ADAMTS17: variants seen among roughly 807,000 people sequenced by gnomAD.
ADAMTS17 encodes the protein ADAM metallopeptidase with thrombospondin type 1 motif 17, also known as A disintegrin and metalloproteinase with thrombospondin motifs 17.
ADAMTS17 carries 113 observed loss-of-function variants against 141.5 expected under a neutral mutation model. The ratio of observed to expected loss-of-function variants is 0.80; its 90% CI spans 0.69 to 0.93. The LOEUF (loss-of-function observed/expected upper bound fraction) is 0.93. ADAMTS17 is among the 40% of genes least tolerant of loss of function. The pLI is 0.00. For synonymous variants in ADAMTS17, 768 were observed against 630.6 expected, an observed-to-expected ratio of 1.22 and a Z score of -3.27; for missense variants, 1,659 against 1,517.9, an observed-to-expected ratio of 1.09 and a Z score of -1.54.
At chr15:100,049,092 G>C (rs1596301035) in intron 17 of ADAMTS17, 100 bp from the exon 18 acceptor site, 3 of 1,563,778 alleles carry the variant, frequency 1.9e-6, no homozygotes, top group East Asian at 4.5e-5. Flanking sequence ...GCTGCTGATG[G>C]TCACTTGGTC....
intron 20 of ADAMTS17, among the ~76,000 whole-genome samples, chr15:99,977,349 CATATATAT>C (rs71151927): frequency 0.019 from 586 of 30,236 alleles, 10 homozygotes; most frequent in Non-Finnish European, 0.025. Context: ...CCCTCCTCTT[CATATATAT>C]ATATATATAT....
chr15:100,233,586 A>ACACAGT (rs2042559091), intron 7 of ADAMTS17, among the ~76,000 whole-genome samples: 1 of 152,144 alleles, frequency 6.6e-6, no homozygotes, highest in Non-Finnish European at 1.5e-5. Flanking sequence ...GTCGATGGGA[A>ACACAGT]CACAGTGGGG....
At chr15:100,100,764 G>A (rs962119631) in intron 14 of ADAMTS17, among the ~76,000 whole-genome samples, 2 of 151,846 alleles carry the variant, frequency 1.3e-5, no homozygotes, top group Non-Finnish European at 2.9e-5. Context: ...CACACAAAAA[G>A]AGAGATAAGA....
At chr15:100,201,844 G>C (rs1445529802) in intron 7 of ADAMTS17, among the ~76,000 whole-genome samples, 2 of 152,264 alleles carry the variant, frequency 1.3e-5, no homozygotes, top group East Asian at 1.9e-4. Context: ...GTTTAAAAAT[G>C]TTTTGTGGGT....
intron 18 of ADAMTS17, among the ~76,000 whole-genome samples, chr15:100,036,379 G>A (rs1352488453): frequency 1.3e-5 from 2 of 152,188 alleles, no homozygotes; most frequent in Admixed American, 6.5e-5. Flanking sequence ...CATGATAAAG[G>A]CAGCCACTAA....
intron 8 of ADAMTS17, among the ~76,000 whole-genome samples, chr15:100,192,677 C>T (rs1381601993): frequency 4.6e-5 from 7 of 152,328 alleles, no homozygotes; most frequent in East Asian, 1.9e-4. Context: ...GGGTCCATTC[C>T]GTGTCCCCAC....
intron 18 of ADAMTS17, among the ~76,000 whole-genome samples, chr15:100,010,548 G>C (rs2061144073): frequency 6.6e-6 from 1 of 152,222 alleles, no homozygotes; most frequent in African/African-American, 2.4e-5. Flanking sequence ...GAGCTGGCCA[G>C]CCAAGAGGCC....
intron 18 of ADAMTS17, among the ~76,000 whole-genome samples, chr15:100,009,487 G>T (rs920256699): frequency 6.6e-6 from 1 of 152,174 alleles, no homozygotes; most frequent in African/African-American, 2.4e-5. Flanking sequence ...TGACTCCCCA[G>T]CTGTGCCACC....
At chr15:100,155,046 C>T in intron 9 of ADAMTS17, 134 bp downstream of exon 9, 1 of 1,340,682 alleles carries the variant, frequency 7.5e-7, no homozygotes. Context: ...TCTGCGCTGA[C>T]CGCCTCCTGA....
chr15:100,069,013 G>A (rs1031208841), intron 15 of ADAMTS17, among the ~76,000 whole-genome samples: 20 of 152,268 alleles, frequency 1.3e-4, no homozygotes, highest in African/African-American at 4.8e-4. Context: ...TACATGAATG[G>A]CTAACTAGAA....
rs1275541759 is a variant in ADAMTS17, at chr15:100,155,243, C to A, written c.1259G>T (p.Gly420Val). ...SHIMSGEWVKGRNPSDLSWSS... is the reference protein window; with the variant it reads ...SHIMSGEWVKVRNPSDLSWSS... Reference sequence around the variant, plus strand: ...CCAAGAGAGGTCACTTGGGTTCCGGCCTTTCACCCACTCTCCTGACATGAT... The same window carrying A: ...CCAAGAGAGGTCACTTGGGTTCCGGACTTTCACCCACTCTCCTGACATGAT... The change falls in exon 9 of 22, where the codon GGC (glycine) becomes GTC (valine). Residue 420 changes from glycine (G) to valine (V), a missense_variant. Coordinates refer to ENST00000268070, the MANE Select transcript of ADAMTS17 (RefSeq NM_139057.4). The A allele has an allele frequency of 1.2e-6, 2 of 1,614,208 alleles. No individual in the cohort carries two copies. The highest frequency in any genetic ancestry group is 1.7e-5 in the Admixed American group (1 of 60,026).
chr15:100,199,129 A>G (rs1284322260), intron 8 of ADAMTS17, among the ~76,000 whole-genome samples, 189 bp downstream of exon 8: 1 of 152,088 alleles, frequency 6.6e-6, no homozygotes, highest in Non-Finnish European at 1.5e-5. Flanking sequence ...CAACTCTCCA[A>G]GCCAATCGGT....
At chr15:100,307,191 A>G (rs1041787038) in intron 3 of ADAMTS17, among the ~76,000 whole-genome samples, 5 of 152,170 alleles carry the variant, frequency 3.3e-5, no homozygotes, top group African/African-American at 7.2e-5. Context: ...CCCTACCCCA[A>G]TGCTGTGTGA....
At chr15:100,287,945 A>G (rs1226955727) in intron 3 of ADAMTS17, among the ~76,000 whole-genome samples, 1 of 152,246 alleles carries the variant, frequency 6.6e-6, no homozygotes, top group Non-Finnish European at 1.5e-5. Flanking sequence ...TAAAGCAACT[A>G]CACAATCAAG....
At chr15:100,006,978 C>A (rs982890163) in intron 18 of ADAMTS17, among the ~76,000 whole-genome samples, 8 of 152,232 alleles carry the variant, frequency 5.3e-5, no homozygotes, top group Non-Finnish European at 1.2e-4. Flanking sequence ...TCTTTGTTCC[C>A]AGATACGTGA....
intron 3 of ADAMTS17, among the ~76,000 whole-genome samples, chr15:100,297,046 G>A (rs1450042179): frequency 4.6e-5 from 7 of 152,176 alleles, no homozygotes; most frequent in Non-Finnish European, 8.8e-5. Flanking sequence ...TACCCTGGGG[G>A]TTCAAGAAAG....
intron 7 of ADAMTS17, among the ~76,000 whole-genome samples, chr15:100,234,358 G>A (rs1213642854): frequency 2.0e-5 from 3 of 152,104 alleles, no homozygotes; most frequent in Non-Finnish European, 2.9e-5. Flanking sequence ...CCAGGACACC[G>A]CCTGGCATAT....
intron 10 of ADAMTS17, 119 bp downstream of exon 10, chr15:100,152,493 T>G: frequency 7.5e-7 from 1 of 1,328,500 alleles, no homozygotes; most frequent in Non-Finnish European, 1.1e-6. Context: ...TACCTGTGCT[T>G]GTGTGTGTAT....
intron 18 of ADAMTS17, among the ~76,000 whole-genome samples, chr15:100,008,086 AG>A (rs2061073539): frequency 7.7e-6 from 1 of 129,618 alleles, no homozygotes; most frequent in African/African-American, 4.3e-5. Flanking sequence ...AAGAGGCCTC[AG>A]GGGGAAGCAG....
Sources: gnomAD v4.1 joint callset for allele counts (sites outside exome capture counted in the v4.1 genomes callset) on GRCh38, gnomAD v4.1.1 for gene constraint, MANE v1.5 for transcripts, NCBI Gene and HGNC (gene_info 2026-07-23, HGNC 2026-07-21) for gene names.